The following MBTPS1 variants were observed in gnomAD, a reference collection of about 807,000 sequenced individuals.
MBTPS1 encodes the protein membrane bound transcription factor peptidase, site 1.
Under a neutral mutation model 127.8 loss-of-function variants are expected in MBTPS1, and 94 were observed. That is an observed-to-expected ratio of 0.74 (90% CI 0.62 to 0.87). The LOEUF (loss-of-function observed/expected upper bound fraction) is 0.87, where lower values mean the gene tolerates loss of function less well. Among genes scored for constraint, MBTPS1 ranks in the 40% least tolerant of loss-of-function variants. MBTPS1 has a pLI of 0.00. For synonymous variants in MBTPS1, 632 were observed against 509.4 expected (o/e 1.24, Z -3.24); for missense variants, 1,636 against 1,353.2 (o/e 1.21, Z -3.28).
intron 4 of MBTPS1, among the ~76,000 whole-genome samples, chr16:84,094,893 A>G (rs946304398): frequency 5.9e-5 from 9 of 152,206 alleles, no homozygotes; most frequent in Non-Finnish European, 1.2e-4. Context: ...AGGGTCCCTA[A>G]GTCAAGGATA....
chr16:84,062,819 A>G (rs1461973597), intron 19 of MBTPS1, among the ~76,000 whole-genome samples: 1 of 152,194 alleles, frequency 6.6e-6, no homozygotes, highest in Non-Finnish European at 1.5e-5. Context: ...TCGAGATAAC[A>G]AACGCTCTTC....
chr16:84,098,456 C>T (rs1040659233), intron 3 of MBTPS1, among the ~76,000 whole-genome samples: 3 of 151,928 alleles, frequency 2.0e-5, no homozygotes, highest in Non-Finnish European at 4.4e-5. Flanking sequence ...ACTAAAAATA[C>T]AAAATTAGCC....
chr16:84,063,665 G>T (rs890457280), intron 18 of MBTPS1, among the ~76,000 whole-genome samples: 9 of 152,152 alleles, frequency 5.9e-5, no homozygotes, highest in Non-Finnish European at 8.8e-5. Flanking sequence ...TTCACTTTGT[G>T]TGTATTTCCG....
intron 11 of MBTPS1, among the ~76,000 whole-genome samples, chr16:84,076,276 C>A (rs1243843451): frequency 7.2e-6 from 1 of 137,974 alleles, no homozygotes. Flanking sequence ...TAATCTAACA[C>A]AATAAAAAAT....
intron 11 of MBTPS1, chr16:84,075,695 C>T (rs1323147471): frequency 6.6e-6 from 1 of 152,210 alleles, no homozygotes; most frequent in Non-Finnish European, 1.5e-5. Context: ...TTTGTAATAA[C>T]AAAGATGTAT....
intron 13 of MBTPS1, 64 bp downstream of exon 13, chr16:84,070,524 G>C: frequency 6.5e-7 from 1 of 1,545,092 alleles, no homozygotes; most frequent in Non-Finnish European, 8.9e-7. Context: ...CATTTGGCCT[G>C]TCCCTCCCTG....
chr16:84,072,617 C>A (rs190525119), intron 12 of MBTPS1, among the ~76,000 whole-genome samples: 1 of 152,028 alleles, frequency 6.6e-6, no homozygotes, highest in South Asian at 2.1e-4. Flanking sequence ...TGGTGAAACC[C>A]GTCTCTACTA....
intron 7 of MBTPS1, among the ~76,000 whole-genome samples, chr16:84,091,486 C>CAAAAAAAAAAAAAAAAAAAAAACA (rs10714716): frequency 1.2e-5 from 1 of 85,666 alleles, no homozygotes; most frequent in Non-Finnish European, 2.2e-5. Flanking sequence ...AACTCCATCT[C>CAAAAAAAAAAAAAAAAAAAAAACA]AAAAAAAAAA....
chr16:84,101,300 A>AAAAAC (rs546229026), intron 2 of MBTPS1, among the ~76,000 whole-genome samples: 6 of 152,046 alleles, frequency 3.9e-5, no homozygotes, highest in African/African-American at 7.2e-5. Flanking sequence ...ACTCCATCTC[A>AAAAAC]AAAACAAAAC....
At chr16:84,111,764 T>C (rs1459136181) in intron 1 of MBTPS1, among the ~76,000 whole-genome samples, 2 of 152,288 alleles carry the variant, frequency 1.3e-5, no homozygotes, top group Admixed American at 6.5e-5. Context: ...AGTAAATTCA[T>C]GTTGTTCTAG....
intron 12 of MBTPS1, among the ~76,000 whole-genome samples, chr16:84,074,306 C>T (rs2085818818): frequency 6.6e-6 from 1 of 151,616 alleles, no homozygotes. Flanking sequence ...ATGATCTTGG[C>T]TCACTGCAGC....
intron 9 of MBTPS1, chr16:84,086,721 G>A (rs980915209): frequency 1.3e-5 from 2 of 152,414 alleles, no homozygotes; most frequent in Non-Finnish European, 2.9e-5. Flanking sequence ...CCTGAAGAAT[G>A]AGAAGGGCAG....
Position 84,095,708 on chromosome 16 carries a change from G to A in MBTPS1, c.519C>T (p.Phe173=), listed in dbSNP as rs917890514. Residue 173 remains phenylalanine (F), a synonymous_variant, in exon 4 of 23, where the codon TTC becomes TTT. Coordinates refer to ENST00000343411, the MANE Select transcript of MBTPS1 (RefSeq NM_003791.4). ...RRASLSLGSG[F]WHATGRHSSR... ...TCGAATGCCTTCCCGTAGCATGCCA[G>A]AAGCCAGAGCCCAGGGAGAGGCTGG... is the stretch of plus-strand genomic sequence containing the variant. 6.2e-7 allele frequency: 1 copy of A among 1,614,252 alleles called. No homozygotes were observed. Among genetic ancestry groups the A allele is most frequent in the Non-Finnish European group, 8.5e-7 (1 of 1,180,042 alleles).
intron 1 of MBTPS1, among the ~76,000 whole-genome samples, chr16:84,116,431 G>C (rs141449589): frequency 0.019 from 2,844 of 152,330 alleles, 58 homozygotes; most frequent in Non-Finnish European, 0.026. Flanking sequence ...ACCTAGAATT[G>C]AGTCTGTCTG....
At chr16:84,060,658 A>C in intron 20 of MBTPS1, 24 bp downstream of exon 20, 1 of 1,607,548 alleles carries the variant, frequency 6.2e-7, no homozygotes, top group Non-Finnish European at 8.5e-7. Flanking sequence ...TTCCCTCCCC[A>C]AGGCATCCTG....
At chr16:84,099,837 C>A (rs1340534569) in intron 2 of MBTPS1, among the ~76,000 whole-genome samples, 1 of 150,588 alleles carries the variant, frequency 6.6e-6, no homozygotes, top group Non-Finnish European at 1.5e-5. Flanking sequence ...TCATTCGAAA[C>A]CAGATACCCG....
chr16:84,074,162 C>T (rs16962727), intron 12 of MBTPS1, among the ~76,000 whole-genome samples: 142 of 152,192 alleles, frequency 9.3e-4, no homozygotes, highest in African/African-American at 3.1e-3. Context: ...TATACCCTGA[C>T]TTATTCTGTA....
chr16:84,067,661 C>A lies in MBTPS1; in HGVS notation c.2228+6G>T, dbSNP rs756057732. On this transcript the variant is annotated splice_donor_region_variant and intron_variant, in intron 16 of 22. Transcript: ENST00000343411. ...TTATCCAAATACCAATGCGTATCAACAGTACCTTGTGTTTTCATCATAAAA... is the reference window on the plus strand; with the variant it reads ...TTATCCAAATACCAATGCGTATCAAAAGTACCTTGTGTTTTCATCATAAAA... 1 of 1,606,970 alleles carries A rather than the reference C, an allele frequency of 6.2e-7. No individual in the cohort carries two copies. Among genetic ancestry groups the A allele is most frequent in the Non-Finnish European group, 8.5e-7 (1 of 1,174,120 alleles).
rs117214904 is a variant in MBTPS1 at position 84,059,262 on chromosome 16, G to A, written c.2831+40C>T. Reference sequence around the variant, plus strand: ...CTATAAGAAAAGCAATGACTCACAAGCCCCGTGGAAAGAGTGGAAGGGCAC... The same window carrying A: ...CTATAAGAAAAGCAATGACTCACAAACCCCGTGGAAAGAGTGGAAGGGCAC... On this transcript the variant is annotated intron_variant, in intron 21 of 22. Transcript: ENST00000343411. The A allele has an allele frequency of 7.9e-3, 12,588 of 1,584,720 alleles. 70 individuals carry two copies. The highest frequency in any genetic ancestry group is 0.014 in the Middle Eastern group (84 of 5,854).
Sources: allele counts gnomAD v4.1 joint callset (sites outside exome capture counted in the v4.1 genomes callset), GRCh38; gene constraint gnomAD v4.1.1; transcripts MANE v1.5; gene names NCBI Gene and HGNC (gene_info 2026-07-23, HGNC 2026-07-21).